Variants in HYCC1 observed in about 807,000 individuals in gnomAD.
HYCC1 encodes hyccin.
chr7:22,992,630 T>G, the HYCC1 span, among the ~76,000 whole-genome samples: 1 of 152,168 alleles, frequency 6.6e-6, no homozygotes, highest in South Asian at 2.1e-4. Context: ...ATTCTCTTTG[T>G]CTTACTGTTA....
At chr7:23,008,898 G>A in the HYCC1 span, among the ~76,000 whole-genome samples, 2 of 151,958 alleles carry the variant, frequency 1.3e-5, no homozygotes, top group African/African-American at 4.8e-5. Context: ...TAAGGAAACA[G>A]AGGTGAATAG....
chr7:22,962,457 C>T, the HYCC1 span, among the ~76,000 whole-genome samples: 1 of 151,780 alleles, frequency 6.6e-6, no homozygotes, highest in Non-Finnish European at 1.5e-5. Context: ...GAGAAAAGTA[C>T]AAAGAGCCAG....
At chr7:22,984,071 T>C in the HYCC1 span, 2 of 1,395,032 alleles carry the variant, frequency 1.4e-6, no homozygotes, top group Non-Finnish European at 1.0e-6. Context: ...AAAATACATT[T>C]TACTTTTATG....
the HYCC1 span, among the ~76,000 whole-genome samples, chr7:22,929,888 C>A: frequency 6.6e-6 from 1 of 152,132 alleles, no homozygotes; most frequent in Non-Finnish European, 1.5e-5. Context: ...AAGACACGTG[C>A]ACACGTATGT....
At chr7:22,976,805 A>C in the HYCC1 span, 1 of 1,597,134 alleles carries the variant, frequency 6.3e-7, no homozygotes, top group Non-Finnish European at 8.6e-7. Flanking sequence ...CCAATGCTGG[A>C]AGGCTAGAGA....
At chr7:22,984,098 C>G in the HYCC1 span, 1 of 1,060,208 alleles carries the variant, frequency 9.4e-7, no homozygotes. Context: ...CCAGAATAGG[C>G]AAATCCATAG....
At chr7:22,976,376 G>T in the HYCC1 span, 1 of 1,046,686 alleles carries the variant, frequency 9.6e-7, no homozygotes, top group Non-Finnish European at 1.5e-6. Flanking sequence ...AGGGGAGAGA[G>T]CACTCCTTGG....
chr7:23,013,758 A>T, the HYCC1 span, among the ~76,000 whole-genome samples: 291 of 150,840 alleles, frequency 1.9e-3, 2 homozygotes, highest in African/African-American at 6.4e-3. Flanking sequence ...GCACCCACCC[A>T]TGGCGCCTCG....
chr7:22,896,192 C>A, the HYCC1 span, among the ~76,000 whole-genome samples: 2 of 152,134 alleles, frequency 1.3e-5, no homozygotes, highest in African/African-American at 2.4e-5. Context: ...CAACACATAG[C>A]AAGCTAGGCT....
chr7:23,002,152 A>AC, the HYCC1 span, among the ~76,000 whole-genome samples: 48 of 23,612 alleles, frequency 2.0e-3, 1 homozygote, highest in Admixed American at 0.021. Context: ...ATATATATAT[A>AC]TATATATATA....
chr7:22,950,531 G>A, the HYCC1 span, among the ~76,000 whole-genome samples: 1 of 151,928 alleles, frequency 6.6e-6, no homozygotes, highest in East Asian at 1.9e-4. Context: ...GAAGACATGA[G>A]AAGGGTAAGC....
the HYCC1 span, among the ~76,000 whole-genome samples, chr7:22,967,743 A>G: frequency 6.6e-6 from 1 of 152,314 alleles, no homozygotes; most frequent in African/African-American, 2.4e-5. Flanking sequence ...ATATCTAGGA[A>G]GTATAAAGAA....
chr7:22,925,659 C>G, the HYCC1 span, among the ~76,000 whole-genome samples: 18 of 152,070 alleles, frequency 1.2e-4, no homozygotes, highest in Non-Finnish European at 2.2e-4. Flanking sequence ...ACGAACAAAT[C>G]CTCCAAGAAA....
the HYCC1 span, among the ~76,000 whole-genome samples, chr7:22,905,044 G>C: frequency 6.6e-6 from 1 of 152,092 alleles, no homozygotes; most frequent in East Asian, 1.9e-4. Context: ...GGGAACAAGA[G>C]AGAGAAGGAG....
At chr7:22,916,132 C>T in the HYCC1 span, among the ~76,000 whole-genome samples, 11 of 152,156 alleles carry the variant, frequency 7.2e-5, no homozygotes, top group African/African-American at 2.2e-4. Context: ...GGATTAAAGC[C>T]TGTTATCGCT....
chr7:22,946,844 G>T, the HYCC1 span: 1 of 854,848 alleles, frequency 1.2e-6, no homozygotes, highest in Non-Finnish European at 1.8e-6. Context: ...AAGAGTCATT[G>T]AGAAATGTGG....
chr7:23,001,677 G>A, the HYCC1 span, among the ~76,000 whole-genome samples: 1 of 152,058 alleles, frequency 6.6e-6, no homozygotes, highest in Non-Finnish European at 1.5e-5. Flanking sequence ...CTAGCATGTG[G>A]TTGCAGTATT....
At chr7:22,999,073 T>A in the HYCC1 span, among the ~76,000 whole-genome samples, 1 of 152,200 alleles carries the variant, frequency 6.6e-6, no homozygotes, top group Non-Finnish European at 1.5e-5. Flanking sequence ...TGGCACTGCA[T>A]CTGTGAACCA....
At chr7:22,946,977 T>A in the HYCC1 span, 11 of 1,549,032 alleles carry the variant, frequency 7.1e-6, no homozygotes, top group Non-Finnish European at 9.6e-6. Context: ...TAAAGTGCTC[T>A]GCTAAAACTG....
Sources: gnomAD v4.1 joint callset for allele counts (sites outside exome capture counted in the v4.1 genomes callset) on GRCh38, gnomAD v4.1.1 for gene constraint, MANE v1.5 for transcripts, NCBI Gene and HGNC (gene_info 2026-07-23, HGNC 2026-07-21) for gene names.